The following PTPRD variants were observed in gnomAD, a reference collection of about 807,000 sequenced individuals.
PTPRD encodes protein tyrosine phosphatase receptor type D, also known as receptor-type tyrosine-protein phosphatase delta.
PTPRD carries 34 observed loss-of-function variants against 214.5 expected under a neutral mutation model. That is an observed-to-expected ratio of 0.16 (90% CI 0.12 to 0.21). PTPRD has a LOEUF of 0.21. Ranked by LOEUF, PTPRD falls within the 10% of genes least tolerant of loss-of-function variation. The pLI, the probability that PTPRD is intolerant of heterozygous loss-of-function variation, is 1.00. For missense variants in PTPRD, 2,545 were observed against 2,398.7 expected (o/e 1.06, Z -1.27); for synonymous variants, 1,128 against 845.7 (o/e 1.33, Z -5.79).
At chr9:9,991,665 C>G (rs2095931612) in intron 4 of PTPRD, among the ~76,000 whole-genome samples, 1 of 151,926 alleles carries the variant, frequency 6.6e-6, no homozygotes, top group Non-Finnish European at 1.5e-5. Flanking sequence ...CCGGCCCAGC[C>G]CAAAATATAC....
intron 3 of PTPRD, among the ~76,000 whole-genome samples, chr9:10,218,187 T>A (rs778096367): frequency 6.6e-6 from 1 of 151,988 alleles, no homozygotes; most frequent in Non-Finnish European, 1.5e-5. Flanking sequence ...TTCTTACGAA[T>A]AGCGTCTTAG....
At chr9:10,065,816 G>A (rs1158343975) in intron 3 of PTPRD, among the ~76,000 whole-genome samples, 2 of 151,868 alleles carry the variant, frequency 1.3e-5, no homozygotes, top group Non-Finnish European at 2.9e-5. Flanking sequence ...GAAAATAAAG[G>A]AAATCAATCA....
chr9:8,450,145 C>A (rs977444349), intron 33 of PTPRD, among the ~76,000 whole-genome samples: 1 of 152,110 alleles, frequency 6.6e-6, no homozygotes, highest in Non-Finnish European at 1.5e-5. Context: ...CCTTATTGAG[C>A]AATTCTCTCT....
intron 3 of PTPRD, among the ~76,000 whole-genome samples, chr9:10,089,240 G>A (rs186413359): frequency 1.0e-4 from 8 of 77,178 alleles, no homozygotes; most frequent in Admixed American, 5.3e-4. Context: ...TAAATAAATA[G>A]AAATAAAATG....
intron 2 of PTPRD, among the ~76,000 whole-genome samples, chr9:10,398,346 A>G (rs1373382186): frequency 6.6e-6 from 1 of 151,740 alleles, no homozygotes; most frequent in African/African-American, 2.4e-5. Context: ...GTGCCACTGC[A>G]CTCCAGCCTG....
chr9:8,697,203 G>T (rs1419184287), intron 12 of PTPRD, among the ~76,000 whole-genome samples: 1 of 152,020 alleles, frequency 6.6e-6, no homozygotes, highest in African/African-American at 2.4e-5. Flanking sequence ...TCTGAGGACT[G>T]ACTATACGTA....
chr9:10,191,113 C>T (rs1311493943), intron 3 of PTPRD, among the ~76,000 whole-genome samples: 1 of 152,012 alleles, frequency 6.6e-6, no homozygotes, highest in Non-Finnish European at 1.5e-5. Context: ...CTGTTAATAA[C>T]ATCAGGCTGA....
intron 11 of PTPRD, among the ~76,000 whole-genome samples, chr9:8,988,630 A>G (rs193158926): frequency 6.6e-6 from 1 of 152,270 alleles, no homozygotes; most frequent in African/African-American, 2.4e-5. Context: ...TAATTTACAT[A>G]GAAATGATTT....
intron 11 of PTPRD, among the ~76,000 whole-genome samples, chr9:8,780,541 C>A (rs528001475): frequency 5.9e-5 from 9 of 152,210 alleles, no homozygotes; most frequent in African/African-American, 1.7e-4. Context: ...AGAAGTCTAA[C>A]AAAAAATGTC....
intron 7 of PTPRD, among the ~76,000 whole-genome samples, chr9:9,689,067 C>T (rs561427205): frequency 6.6e-6 from 1 of 151,992 alleles, no homozygotes; most frequent in South Asian, 2.1e-4. Context: ...TGAAACTCAA[C>T]TAAATTCTTA....
chr9:9,947,346 A>AATATATATTATATATAATAATATATATT (rs2092734215), intron 4 of PTPRD, among the ~76,000 whole-genome samples: 1 of 43,690 alleles, frequency 2.3e-5, no homozygotes, highest in Admixed American at 5.2e-4. Flanking sequence ...TTATATATAT[A>AATATATATTATATATAATAATATATATT]ATATATATTA....
intron 11 of PTPRD, among the ~76,000 whole-genome samples, chr9:8,802,262 G>A (rs867573926): frequency 1.3e-5 from 2 of 152,046 alleles, no homozygotes; most frequent in Non-Finnish European, 2.9e-5. Flanking sequence ...AATGGTGAAG[G>A]GTTTTTTGGT....
intron 14 of PTPRD, among the ~76,000 whole-genome samples, chr9:8,553,726 C>T (rs1202225501): frequency 6.6e-6 from 1 of 152,102 alleles, no homozygotes; most frequent in African/African-American, 2.4e-5. Flanking sequence ...AACCATAAAG[C>T]CCTATAAGAA....
At chr9:10,175,047 G>A (rs924638291) in intron 3 of PTPRD, among the ~76,000 whole-genome samples, 5 of 152,074 alleles carry the variant, frequency 3.3e-5, no homozygotes, top group Admixed American at 6.6e-5. Flanking sequence ...TGCTAAGTTA[G>A]TGATGAAAAA....
chr9:8,766,674 T>C (rs1240055584), intron 11 of PTPRD, among the ~76,000 whole-genome samples: 1 of 152,204 alleles, frequency 6.6e-6, no homozygotes, highest in Non-Finnish European at 1.5e-5. Flanking sequence ...ATTTATTCCT[T>C]GATTTAACCC....
intron 12 of PTPRD, among the ~76,000 whole-genome samples, chr9:8,642,178 A>G (rs2096591194): frequency 6.6e-6 from 1 of 152,224 alleles, no homozygotes; most frequent in Non-Finnish European, 1.5e-5. Flanking sequence ...ACAGATTCAT[A>G]GAAAGGATCA....
chr9:10,308,238 G>A (rs573480740), intron 3 of PTPRD, among the ~76,000 whole-genome samples: 1 of 152,016 alleles, frequency 6.6e-6, no homozygotes, highest in Admixed American at 6.6e-5. Flanking sequence ...GTTGACTTTT[G>A]TATATAGTGA....
intron 39 of PTPRD, among the ~76,000 whole-genome samples, chr9:8,348,490 C>T (rs1004032775): frequency 3.3e-5 from 5 of 152,066 alleles, no homozygotes; most frequent in African/African-American, 9.7e-5. Flanking sequence ...TACATTGCTT[C>T]ACGGTCTTTG....
chr9:10,441,371 G>C (rs76192260), intron 2 of PTPRD, among the ~76,000 whole-genome samples: 11,403 of 151,576 alleles, frequency 0.075, 703 homozygotes, highest in African/African-American at 0.15. Flanking sequence ...TAGGCATTCT[G>C]AATGTTTTGA....
Sources: gnomAD v4.1 joint callset for allele counts (sites outside exome capture counted in the v4.1 genomes callset) on GRCh38, gnomAD v4.1.1 for gene constraint, MANE v1.5 for transcripts, NCBI Gene and HGNC (gene_info 2026-07-23, HGNC 2026-07-21) for gene names.